RUVBL1: variants seen among roughly 807,000 people sequenced by gnomAD.
The protein encoded by RUVBL1 is RuvB like AAA ATPase 1.
A neutral mutation model predicts 52.4 loss-of-function variants in RUVBL1; 4 were observed. The ratio of observed to expected loss-of-function variants is 0.08; its 90% CI spans 0.04 to 0.17. The LOEUF (loss-of-function observed/expected upper bound fraction) is 0.17. Ranked by LOEUF, RUVBL1 falls within the 10% of genes least tolerant of loss-of-function variation. The pLI, the probability that RUVBL1 is intolerant of heterozygous loss-of-function variation, is 1.00. For synonymous variants in RUVBL1, 217 were observed against 214.4 expected (o/e 1.01, Z -0.10); for missense variants, 298 against 572.8 (o/e 0.52, Z 4.90).
At chr3:128,129,115 G>A (rs1943838250) in intron 1 of RUVBL1, among the ~76,000 whole-genome samples, 1 of 152,130 alleles carries the variant, frequency 6.6e-6, no homozygotes, top group African/African-American at 2.4e-5. Flanking sequence ...CCAGTGCAAT[G>A]TAGCTTTTAC....
At chr3:128,103,680 G>A (rs1943159369) in intron 4 of RUVBL1, among the ~76,000 whole-genome samples, 1 of 152,184 alleles carries the variant, frequency 6.6e-6, no homozygotes, top group South Asian at 2.1e-4. Flanking sequence ...AGGACTCAGA[G>A]GGTCAGCTCT....
At chr3:128,136,147 A>G (rs1943944311) in intron 1 of RUVBL1, among the ~76,000 whole-genome samples, 2 of 152,078 alleles carry the variant, frequency 1.3e-5, no homozygotes, top group Admixed American at 6.6e-5. Flanking sequence ...ATTTAAAGAT[A>G]CCACCAGAGA....
rs562130019 is a variant in RUVBL1 at position 128,132,761 on chromosome 3, C to T, written c.-39-13347G>A. Among the ~76,000 whole-genome samples the T allele has an allele frequency of 1.4e-3, 209 of 152,290 alleles. 2 individuals carry two copies. Among genetic ancestry groups the T allele is most frequent in the Middle Eastern group, 0.01 (3 of 294 alleles). On this transcript the variant is annotated intron_variant, in intron 1 of 9. Transcript: ENST00000464873. ...AGTGGTAGCCAGACAGTATTTACCACGAGCCTTGGGTGAGACCCAGTGCCA... is the reference window on the plus strand; with the variant it reads ...AGTGGTAGCCAGACAGTATTTACCATGAGCCTTGGGTGAGACCCAGTGCCA...
At chr3:128,140,906 C>A (rs1944011619) in intron 1 of RUVBL1, among the ~76,000 whole-genome samples, 1 of 152,152 alleles carries the variant, frequency 6.6e-6, no homozygotes, top group Non-Finnish European at 1.5e-5. Context: ...GATGTTCATG[C>A]AATGACAAAA....
In RUVBL1 at chr3:128,081,203, G is replaced by A; in HGVS notation, c.*47C>T. 5.7e-6 allele frequency: 9 copies of A among 1,584,122 alleles called. No individual in the cohort carries two copies. Among genetic ancestry groups the A allele is most frequent in the South Asian group, 1.1e-5 (1 of 87,352 alleles). ...GCAAGCGCCCACAGGCTGGACCCAGGCCAGGCACACCTGGGGAGTCTCTTA... is the reference window on the plus strand; with the variant it reads ...GCAAGCGCCCACAGGCTGGACCCAGACCAGGCACACCTGGGGAGTCTCTTA... On this transcript the variant is annotated 3_prime_UTR_variant, in exon 11 of 11. Coordinates refer to ENST00000322623, the MANE Select transcript of RUVBL1 (RefSeq NM_003707.3). The surrounding 1 kb of genome is among the most constrained non-coding windows in gnomAD (Gnocchi z 4.8).
chr3:128,073,719 C>T (rs987456916), intron 9 of RUVBL1, among the ~76,000 whole-genome samples: 1 of 152,216 alleles, frequency 6.6e-6, no homozygotes, highest in Non-Finnish European at 1.5e-5. Flanking sequence ...AAAGCTCATG[C>T]CCCAGCAGTA....
At position 128,119,832 on chromosome 3, in the gene RUVBL1, T is replaced by C. The variant is rs1033379206; in HGVS notation, c.142-418A>G. Among the ~76,000 whole-genome samples, 3 of 152,194 alleles carry C rather than the reference T, an allele frequency of 2.0e-5. No individual in the cohort carries two copies. In the East Asian group the frequency reaches 5.8e-4, roughly 29 times the overall value. ...ATCCAAAGCAGAAACAAGCTTGGCA[T>C]ATCCAAGGGACAGAAAGGTTGCAGT... On this transcript the variant is annotated intron_variant, in intron 1 of 10. Coordinates refer to ENST00000322623, the MANE Select transcript of RUVBL1 (RefSeq NM_003707.3).
At chr3:128,068,092 T>C in intron 9 of RUVBL1, 1 of 1,555,736 alleles carries the variant, frequency 6.4e-7, no homozygotes. Context: ...CAACCTCCCG[T>C]CTGTGGACAT....
upstream of RUVBL1, among the ~76,000 whole-genome samples, chr3:128,128,772 T>C (rs897150670): frequency 6.6e-6 from 1 of 152,170 alleles, no homozygotes; most frequent in Non-Finnish European, 1.5e-5. Flanking sequence ...GGGAAACAAC[T>C]CTCAGGCGCT....
intron 8 of RUVBL1, among the ~76,000 whole-genome samples, chr3:128,090,162 C>T (rs544522836): frequency 8.5e-5 from 13 of 152,270 alleles, no homozygotes; most frequent in Admixed American, 5.2e-4. Flanking sequence ...TTATGTTACA[C>T]ACATTTTACC....
chr3:128,115,890 C>T (rs1943510740), intron 2 of RUVBL1, among the ~76,000 whole-genome samples: 1 of 152,066 alleles, frequency 6.6e-6, no homozygotes, highest in African/African-American at 2.4e-5. Context: ...CTTTGGGAGG[C>T]CGAGGCAGGT....
intron 9 of RUVBL1, among the ~76,000 whole-genome samples, chr3:128,085,990 C>T (rs891894118): frequency 2.0e-5 from 3 of 152,180 alleles, no homozygotes; most frequent in Non-Finnish European, 4.4e-5. Flanking sequence ...GAATTAGTTA[C>T]CCTAGGTCGC....
chr3:128,137,947 G>A (rs1943971079), intron 1 of RUVBL1, among the ~76,000 whole-genome samples: 1 of 152,104 alleles, frequency 6.6e-6, no homozygotes, highest in South Asian at 2.1e-4. Context: ...AAAGCCATAT[G>A]GTCATTTCAA....
intron 9 of RUVBL1, among the ~76,000 whole-genome samples, chr3:128,066,066 C>T (rs1039961074): frequency 6.6e-6 from 1 of 152,076 alleles, no homozygotes; most frequent in African/African-American, 2.4e-5. Flanking sequence ...TTTAAATCCT[C>T]TGTATTCCGA....
rs1408100381 is a variant in RUVBL1 at position 128,081,301 on chromosome 3, G to C, written c.1320C>G (p.Ala440=). 1 of 1,614,176 alleles carries C rather than the reference G, an allele frequency of 6.2e-7. No homozygotes were observed. The highest frequency in any genetic ancestry group is 1.7e-5 in the Admixed American group (1 of 60,026). ...VEEISELFYD[A]KSSAKILADQ... is the part of the protein sequence containing the mutation. The stretch of plus-strand genomic sequence containing the variant: ...CAGCCAGGATTTTGGCGGAGGACTT[G>C]GCATCATAGAAAAGTTCACTGATCT... Residue 440 remains alanine, a synonymous_variant, in exon 11 of 11, where the codon GCC becomes GCG. Transcript: ENST00000322623. This position sits in a 1 kb window ranked among gnomAD's most constrained non-coding sequence, Gnocchi z 4.8.
chr3:128,077,902 A>G (rs2107665398), downstream of RUVBL1, among the ~76,000 whole-genome samples: 1 of 152,322 alleles, frequency 6.6e-6, no homozygotes, highest in South Asian at 2.1e-4. Flanking sequence ...TGGGTACCTG[A>G]TACAGCTACA....
chr3:128,124,067 T>C (rs1296663374), upstream of RUVBL1, among the ~76,000 whole-genome samples: 4 of 152,146 alleles, frequency 2.6e-5, no homozygotes, highest in African/African-American at 9.6e-5. Context: ...GGCCCCCGGG[T>C]ACCACTCCTA....
intron 1 of RUVBL1, among the ~76,000 whole-genome samples, chr3:128,145,979 A>G (rs931391033): frequency 2.0e-5 from 3 of 152,292 alleles, no homozygotes; most frequent in Admixed American, 6.5e-5. Flanking sequence ...AATGAACATA[A>G]TAAGGAAATA....
chr3:128,132,619 G>A (rs944825368), intron 1 of RUVBL1, among the ~76,000 whole-genome samples: 5 of 152,100 alleles, frequency 3.3e-5, no homozygotes, highest in Admixed American at 1.3e-4. Context: ...GCTCCCAGAC[G>A]ACATTTCTAG....
Sources: allele counts gnomAD v4.1 joint callset (sites outside exome capture counted in the v4.1 genomes callset), GRCh38; gene constraint gnomAD v4.1.1; non-coding constraint Gnocchi (gnomAD v3.1); transcripts MANE v1.5; gene names NCBI Gene and HGNC (gene_info 2026-07-23, HGNC 2026-07-21).